GAD1: variants seen among roughly 807,000 people sequenced by gnomAD.
The protein encoded by GAD1 is glutamate decarboxylase 1, also known as 67 kDa glutamic acid decarboxylase.
In GAD1, 35 loss-of-function variants were observed where a neutral mutation model predicts 75.2. The ratio of observed to expected loss-of-function variants is 0.47; its 90% confidence interval spans 0.36 to 0.62. The LOEUF (loss-of-function observed/expected upper bound fraction) is 0.62, where lower values mean the gene tolerates loss of function less well. Ranked by LOEUF, GAD1 falls within the 20% of genes least tolerant of loss-of-function variation. The pLI is 0.00. For missense variants in GAD1, 490 were observed against 758.5 expected (o/e 0.65, Z 4.16); for synonymous variants, 257 against 271.9 (o/e 0.95, Z 0.54).
At chr2:170,848,458 C>T (rs979885020) in intron 11 of GAD1, among the ~76,000 whole-genome samples, 3 of 140,702 alleles carry the variant, frequency 2.1e-5, no homozygotes, top group African/African-American at 5.4e-5. Context: ...GATCACGCCA[C>T]ATCACTCCAG....
At chr2:170,829,708 T>C (rs752664966) in intron 4 of GAD1, 75 bp downstream of exon 4, 13 of 1,469,840 alleles carry the variant, frequency 8.8e-6, no homozygotes, top group Non-Finnish European at 1.2e-5. Context: ...TTTCCTGCAA[T>C]TTTACTTCTT....
chr2:170,838,063 G>T (rs1702417720), intron 6 of GAD1, among the ~76,000 whole-genome samples: 1 of 152,196 alleles, frequency 6.6e-6, no homozygotes. Context: ...ATTAATTAAG[G>T]ATTCCTGTTT....
intron 7 of GAD1, 85 bp from the exon 8 acceptor site, chr2:170,845,421 C>A: frequency 8.5e-7 from 1 of 1,176,818 alleles, no homozygotes; most frequent in Non-Finnish European, 1.3e-6. Flanking sequence ...CCTCCCTTGT[C>A]TCTTGAGACA....
chr2:170,832,660 G>GCACACACACACA lies in GAD1; in HGVS notation c.547+1469_547+1470insACACACACACAC, dbSNP rs1437651895. Among the ~76,000 whole-genome samples the GCACACACACACA allele has an allele frequency of 6.3e-5, 5 of 79,476 alleles. No individual in the cohort carries two copies. The East Asian group carries it at 1.4e-3, about 23-fold the overall frequency. 52.1% of individuals were successfully genotyped at this position (79,476 alleles called of 152,430 possible). ...AAGACACAGGCACACATGCGCGCGCGCGCGCACACACACACACACACACAC... is the reference window on the plus strand; with the variant it reads ...AAGACACAGGCACACATGCGCGCGCGCACACACACACACGCGCACACACACACACACACACAC... On this transcript the variant is annotated intron_variant, in intron 5 of 16. Transcript: ENST00000358196.
chr2:170,837,271 A>G (rs1470219499), intron 6 of GAD1, among the ~76,000 whole-genome samples: 2 of 152,244 alleles, frequency 1.3e-5, no homozygotes, highest in Admixed American at 6.5e-5. Context: ...CCATAATTAA[A>G]GCAGCCATAA....
At chr2:170,852,382 G>A (rs961384081) in intron 12 of GAD1, 55 of 368,136 alleles carry the variant, frequency 1.5e-4, no homozygotes, top group African/African-American at 9.9e-4. Flanking sequence ...ATTAGAGCTA[G>A]GACTCAGACT....
upstream of GAD1, chr2:170,816,862 C>T (rs1197157461): frequency 1.9e-5 from 3 of 158,682 alleles, no homozygotes; most frequent in Non-Finnish European, 4.1e-5. Flanking sequence ...ACCCCGGAGC[C>T]GTGCAGCCGC....
chr2:170,828,670 C>T (rs566570426), intron 3 of GAD1, among the ~76,000 whole-genome samples: 25 of 137,738 alleles, frequency 1.8e-4, no homozygotes, highest in African/African-American at 6.5e-4. Context: ...TCCTCACCCT[C>T]CTCCCCTGTT....
At chr2:170,815,212 G>T (rs575211418), upstream of GAD1, among the ~76,000 whole-genome samples, 123 of 152,234 alleles carry the variant, frequency 8.1e-4, no homozygotes, top group Non-Finnish European at 6.9e-4. Flanking sequence ...TTGGGGGGAC[G>T]TTTCCTACGT....
At chr2:170,819,299 TAAATAAATA>T (rs894296964) in intron 2 of GAD1, among the ~76,000 whole-genome samples, 21 of 148,132 alleles carry the variant, frequency 1.4e-4, no homozygotes, top group African/African-American at 5.0e-4. Context: ...GAGAAATAAA[TAAATAAATA>T]AATAAATAGG....
chr2:170,847,564 G>A, intron 10 of GAD1, 112 bp from the exon 11 acceptor site: 1 of 804,844 alleles, frequency 1.2e-6, no homozygotes, highest in Non-Finnish European at 2.2e-6. Flanking sequence ...TAATACATAA[G>A]TTTTGCCATT....
At chr2:170,850,062 A>T (rs1303262935) in intron 12 of GAD1, among the ~76,000 whole-genome samples, 1 of 152,244 alleles carries the variant, frequency 6.6e-6, no homozygotes. Flanking sequence ...CTGAGCACCT[A>T]TCATGAGCCA....
intron 14 of GAD1, among the ~76,000 whole-genome samples, chr2:170,855,872 C>CAAAAAAA (rs71008727): frequency 2.8e-4 from 31 of 111,646 alleles, no homozygotes; most frequent in East Asian, 8.0e-4. Flanking sequence ...GACTCCATCT[C>CAAAAAAA]AAAAAAAAAA....
At chr2:170,831,747 A>C (rs897462324) in intron 5 of GAD1, among the ~76,000 whole-genome samples, 2 of 145,614 alleles carry the variant, frequency 1.4e-5, no homozygotes, top group Non-Finnish European at 3.0e-5. Context: ...AATAAATATA[A>C]AAATAATATA....
intron 11 of GAD1, chr2:170,848,826 G>A (rs779558070): frequency 7.7e-6 from 4 of 519,230 alleles, no homozygotes; most frequent in Non-Finnish European, 1.5e-5. Flanking sequence ...TGTTACATAA[G>A]TTGTTGTGAG....
chr2:170,849,425 C>A, intron 12 of GAD1, 75 bp downstream of exon 12: 1 of 1,338,672 alleles, frequency 7.5e-7, no homozygotes, highest in South Asian at 1.2e-5. Context: ...CAGCCTGCAC[C>A]ACCCTGCCCT....
At chr2:170,840,647 G>A (rs1181045877) in intron 6 of GAD1, among the ~76,000 whole-genome samples, 1 of 114,928 alleles carries the variant, frequency 8.7e-6, no homozygotes, top group African/African-American at 3.0e-5. Context: ...GAGGAAAGGA[G>A]GGAGGTAGGG....
At chr2:170,838,341 T>C (rs531396936) in intron 6 of GAD1, among the ~76,000 whole-genome samples, 1 of 152,240 alleles carries the variant, frequency 6.6e-6, no homozygotes. Flanking sequence ...TGTACTGTGA[T>C]TTTTGAGATA....
In GAD1 at chr2:170,818,516, C is replaced by T. The variant is rs763262489; in HGVS notation, c.-63-13C>T. ...GGAAGTCCTCCCCGCACAGCTCTCG[C>T]TTCTCTTTGCAGCCTGTTTCTGCGC... On this transcript the variant is annotated splice_polypyrimidine_tract_variant and intron_variant, in intron 1 of 16. Transcript: ENST00000358196. The surrounding 1 kb of genome is among the most constrained non-coding windows in gnomAD (Gnocchi z 5.9). 230 of 1,386,486 alleles carry T rather than the reference C, an allele frequency of 1.7e-4. 1 individual carries two copies. The highest frequency in any genetic ancestry group is 2.2e-4 in the Non-Finnish European group (211 of 972,796). 85.9% of individuals were successfully genotyped at this position (1,386,486 alleles called of 1,614,324 possible). A position where few individuals can be genotyped will look rare whatever the true frequency, so the allele number is the denominator to read the frequency against.
Sources: allele counts gnomAD v4.1 joint callset (sites outside exome capture counted in the v4.1 genomes callset), GRCh38; gene constraint gnomAD v4.1.1; non-coding constraint Gnocchi (gnomAD v3.1); transcripts MANE v1.5; gene names NCBI Gene and HGNC (gene_info 2026-07-23, HGNC 2026-07-21).